Variants in HYDIN observed in about 807,000 individuals in gnomAD.
The protein encoded by HYDIN is axonemal central pair apparatus protein HYDIN.
In HYDIN, 132 loss-of-function variants were observed where a neutral mutation model predicts 403.9. The ratio of observed to expected loss-of-function variants is 0.33; its 90% CI spans 0.28 to 0.38. The LOEUF is 0.38. HYDIN is among the 10% of genes least tolerant of loss of function. HYDIN has a pLI of 1.00. For synonymous variants in HYDIN, 1,202 were observed against 1,891.7 expected (o/e 0.64, Z 9.46); for missense variants, 2,827 against 5,009.5 (o/e 0.56, Z 13.15).
chr16:71,117,729 T>C (rs974163653), intron 9 of HYDIN, among the ~76,000 whole-genome samples: 2 of 152,178 alleles, frequency 1.3e-5, no homozygotes, highest in African/African-American at 4.8e-5. Context: ...GCAGTCTGGC[T>C]AGAAAGAACA....
chr16:71,168,338 A>AG (rs1446935823), intron 5 of HYDIN, among the ~76,000 whole-genome samples: 2 of 146,540 alleles, frequency 1.4e-5, no homozygotes, highest in Admixed American at 6.8e-5. Flanking sequence ...AAAAAAAAAA[A>AG]AGTATACATC....
Position 70,807,492 on chromosome 16 carries a change from T to A in HYDIN, c.*88A>T, listed in dbSNP as rs1157988034. ...ATTGTATGAGAAGAATAAAAACAGT[T>A]CCTTTAGAATTCTTATTGTTTTCTC... On this transcript the variant is annotated 3_prime_UTR_variant, in exon 86 of 86. Transcript: ENST00000393567. 1 of 1,407,980 alleles carries A rather than the reference T, an allele frequency of 7.1e-7. No individual in the cohort carries two copies. The highest frequency in any genetic ancestry group is 1.4e-5 in the African/African-American group (1 of 69,622). 87.2% of individuals were successfully genotyped at this position (1,407,980 alleles called of 1,614,324 possible).
At chr16:70,865,743 G>A (rs2039709246) in intron 67 of HYDIN, among the ~76,000 whole-genome samples, 3 of 152,044 alleles carry the variant, frequency 2.0e-5, no homozygotes, top group Admixed American at 2.0e-4. Flanking sequence ...GACCCCAGAA[G>A]ATATATCTGC....
At position 70,985,250 on chromosome 16, in the gene HYDIN, G is replaced by C. The variant is rs1304084691; in HGVS notation, c.4267C>G (p.Leu1423Val). 1.3e-6 allele frequency: 2 copies of C among 1,567,568 alleles called. No individual in the cohort carries two copies. Among genetic ancestry groups the C allele is most frequent in the Admixed American group, 1.7e-5 (1 of 59,100 alleles). ...TCTGGAGAAGACTGGTGGTCAGTCA[G>C]AACCTTGAACTCAAAGCCAACTTTC... is the stretch of plus-strand genomic sequence containing the variant. ...MGKVGFEFKV[L>V]TDHQSSPDNL... Residue 1423 changes from leucine to valine, a missense_variant, in exon 28 of 86, where the codon CTG (leucine) becomes GTG (valine). Physicochemically the swap from Leu to Val is conservative, Grantham distance 32. Transcript: ENST00000393567.
At chr16:71,218,090 A>G (rs1005953286) in intron 1 of HYDIN, among the ~76,000 whole-genome samples, 4 of 152,174 alleles carry the variant, frequency 2.6e-5, no homozygotes, top group African/African-American at 9.7e-5. Context: ...TTTTCTGAAT[A>G]AGAAAAAAAA....
intron 55 of HYDIN, 76 bp from the exon 56 acceptor site, chr16:70,892,605 G>A: frequency 6.6e-7 from 1 of 1,513,060 alleles, no homozygotes; most frequent in South Asian, 1.4e-5. Context: ...GACTCTAGAT[G>A]GTTGAGTGCC....
chr16:71,039,388 G>C (rs1051745637), intron 18 of HYDIN, among the ~76,000 whole-genome samples: 1 of 152,168 alleles, frequency 6.6e-6, no homozygotes, highest in Admixed American at 6.5e-5. Flanking sequence ...TGATAGGGAC[G>C]GGGGGCAGAG....
chr16:71,089,104 G>A (rs1339941176), intron 11 of HYDIN, among the ~76,000 whole-genome samples: 2 of 146,784 alleles, frequency 1.4e-5, no homozygotes, highest in Non-Finnish European at 3.0e-5. Flanking sequence ...ATTGTTTTGA[G>A]ATTCTTATGC....
At chr16:70,904,386 G>T (rs2143764684) in intron 50 of HYDIN, among the ~76,000 whole-genome samples, 1 of 114,328 alleles carries the variant, frequency 8.7e-6, no homozygotes. Flanking sequence ...CCCAGTGAAT[G>T]TTAGCTATGA....
chr16:70,882,838 G>T lies in HYDIN; in HGVS notation c.10037C>A (p.Ala3346Asp), dbSNP rs748825074. The T allele has an allele frequency of 6.5e-7, 1 of 1,543,602 alleles. No individual in the cohort carries two copies. The highest frequency in any genetic ancestry group is 1.4e-5 in the African/African-American group (1 of 73,582). ...IFEEHQICTS[A>D]NLHHILQTIE... ...GGTCTGCAGGATGTGGTGCAGGTTG[G>T]CACTGGTACATATCTGGTGCTCTTC... is the stretch of plus-strand genomic sequence containing the variant. Residue 3346 changes from alanine (A) to aspartate (D), a missense_variant, in exon 60 of 86, where the codon GCC becomes GAC. Ala to Asp is a moderately radical substitution (Grantham distance 126). Coordinates refer to ENST00000393567, the MANE Select transcript of HYDIN (RefSeq NM_001270974.2).
At chr16:71,083,731 G>T (rs574019734) in intron 12 of HYDIN, among the ~76,000 whole-genome samples, 311 of 152,148 alleles carry the variant, frequency 2.0e-3, no homozygotes, top group Non-Finnish European at 3.7e-3. Flanking sequence ...GCCACTTTGC[G>T]TAGTGTGATG....
At chr16:71,145,466 G>A (rs1265946973) in intron 7 of HYDIN, among the ~76,000 whole-genome samples, 3 of 152,118 alleles carry the variant, frequency 2.0e-5, no homozygotes, top group Non-Finnish European at 2.9e-5. Flanking sequence ...TATTGGCCAG[G>A]ATGGTCTCGA....
intron 58 of HYDIN, among the ~76,000 whole-genome samples, chr16:70,888,276 A>G (rs550906859): frequency 6.6e-6 from 1 of 152,270 alleles, no homozygotes; most frequent in Non-Finnish European, 1.5e-5. Context: ...GTGATTTTCA[A>G]CTGAAACCTG....
At chr16:71,175,125 C>T (rs2086616638) in intron 5 of HYDIN, among the ~76,000 whole-genome samples, 1 of 150,916 alleles carries the variant, frequency 6.6e-6, no homozygotes, top group East Asian at 2.0e-4. Context: ...CAAATACTAA[C>T]ATCACCACTA....
chr16:71,004,724 T>A (rs1402753792), intron 23 of HYDIN, among the ~76,000 whole-genome samples: 1 of 152,206 alleles, frequency 6.6e-6, no homozygotes, highest in Non-Finnish European at 1.5e-5. Flanking sequence ...GTATAAAAAT[T>A]AAGTTAGTTT....
chr16:70,931,185 T>G (rs1454518081), intron 45 of HYDIN, among the ~76,000 whole-genome samples: 1 of 150,146 alleles, frequency 6.7e-6, no homozygotes, highest in East Asian at 1.9e-4. Context: ...TTTTTTGAAT[T>G]GGGTTTTCTG....
chr16:71,184,822 G>A (rs1413851221), intron 3 of HYDIN, 43 bp downstream of exon 3: 2 of 1,522,128 alleles, frequency 1.3e-6, no homozygotes, highest in African/African-American at 2.8e-5. Flanking sequence ...TTGGTGTTGT[G>A]CCAGGGCCCA....
intron 45 of HYDIN, among the ~76,000 whole-genome samples, chr16:70,931,210 G>GGTT (rs1555575146): frequency 2.5e-3 from 146 of 59,502 alleles, no homozygotes; most frequent in African/African-American, 8.7e-3. Context: ...TCTTTCTTCT[G>GGTT]TTTTTTTTTT....
chr16:71,098,778 AG>A (rs2083367058), intron 10 of HYDIN, among the ~76,000 whole-genome samples: 1 of 148,100 alleles, frequency 6.8e-6, no homozygotes, highest in African/African-American at 2.5e-5. Context: ...GTAATAAAGC[AG>A]TGAGCCAATG....
Sources: gnomAD v4.1 joint callset for allele counts (sites outside exome capture counted in the v4.1 genomes callset) on GRCh38, gnomAD v4.1.1 for gene constraint, MANE v1.5 for transcripts, NCBI Gene and HGNC (gene_info 2026-07-23, HGNC 2026-07-21) for gene names.